NR5A2: variants seen among roughly 807,000 people sequenced by gnomAD.
The protein encoded by NR5A2 is CYP7A promoter-binding factor.
NR5A2 carries 26 observed loss-of-function variants against 62.7 expected under a neutral mutation model. The ratio of observed to expected loss-of-function variants is 0.41; its 90% CI spans 0.30 to 0.58. The LOEUF is 0.58. Ranked by LOEUF, NR5A2 falls within the 20% of genes least tolerant of loss-of-function variation. The probability of loss-of-function intolerance (pLI) is 0.22; values close to 1 mark genes in which losing one functional copy is unlikely to be tolerated. For synonymous variants in NR5A2, 246 were observed against 241.7 expected (o/e 1.02, Z -0.16); for missense variants, 541 against 669.1 (o/e 0.81, Z 2.11).
chr1:200,117,904 G>T (rs1666304993), intron 6 of NR5A2, among the ~76,000 whole-genome samples: 1 of 151,632 alleles, frequency 6.6e-6, no homozygotes, highest in Non-Finnish European at 1.5e-5. Flanking sequence ...AGTAGAGATG[G>T]GGTTTCACCA....
At chr1:200,030,301 T>C (rs1661503998) in intron 1 of NR5A2, among the ~76,000 whole-genome samples, 1 of 152,170 alleles carries the variant, frequency 6.6e-6, no homozygotes, top group Admixed American at 6.5e-5. Context: ...TAAAAAGCTG[T>C]CTCCATGGTT....
intron 7 of NR5A2, among the ~76,000 whole-genome samples, chr1:200,126,987 T>A (rs1666732068): frequency 6.6e-6 from 1 of 152,228 alleles, no homozygotes; most frequent in South Asian, 2.1e-4. Flanking sequence ...GTGGTGGTGA[T>A]GCTTTTCTTC....
At chr1:200,111,899 T>C (rs1014996441) in intron 6 of NR5A2, among the ~76,000 whole-genome samples, 6 of 152,204 alleles carry the variant, frequency 3.9e-5, no homozygotes, top group African/African-American at 1.4e-4. Flanking sequence ...CAAAAATTTA[T>C]TGAGCATCCT....
intron 7 of NR5A2, among the ~76,000 whole-genome samples, chr1:200,158,202 C>T (rs1488494276): frequency 1.3e-5 from 2 of 152,146 alleles, no homozygotes; most frequent in African/African-American, 4.8e-5. Context: ...CATGTTAACA[C>T]AGTGGGGCAC....
chr1:200,042,225 A>G (rs897585174), intron 2 of NR5A2, among the ~76,000 whole-genome samples: 3 of 151,288 alleles, frequency 2.0e-5, no homozygotes, highest in Non-Finnish European at 4.4e-5. Flanking sequence ...ATGTTCCCAA[A>G]CTCTGGCTAA....
intron 5 of NR5A2, among the ~76,000 whole-genome samples, chr1:200,097,731 C>A (rs1665165028): frequency 6.6e-6 from 1 of 152,100 alleles, no homozygotes. Flanking sequence ...TTCAACAGGG[C>A]AATGCTGACG....
intron 7 of NR5A2, among the ~76,000 whole-genome samples, chr1:200,152,815 G>A (rs1186765459): frequency 6.6e-6 from 1 of 152,052 alleles, no homozygotes; most frequent in Non-Finnish European, 1.5e-5. Flanking sequence ...ATTCAGCTAT[G>A]GTCACTACAT....
chr1:200,144,485 A>AC (rs1406861879), intron 7 of NR5A2, among the ~76,000 whole-genome samples: 1 of 151,890 alleles, frequency 6.6e-6, no homozygotes, highest in Non-Finnish European at 1.5e-5. Context: ...ATTCAAAACA[A>AC]CCCCCAGTCT....
chr1:200,149,204 A>G (rs72644155), intron 7 of NR5A2, among the ~76,000 whole-genome samples: 7,480 of 152,090 alleles, frequency 0.049, 427 homozygotes, highest in East Asian at 0.29. Flanking sequence ...GAGCCACCTC[A>G]CCCGGCCACA....
chr1:200,049,979 A>G (rs1453109611), intron 5 of NR5A2, among the ~76,000 whole-genome samples: 1 of 152,242 alleles, frequency 6.6e-6, no homozygotes, highest in African/African-American at 2.4e-5. Flanking sequence ...ACAGACCTAA[A>G]TAAGTTGATA....
At chr1:200,042,728 CCCGCGCT>C in intron 2 of NR5A2, 1 of 877,566 alleles carries the variant, frequency 1.1e-6, no homozygotes, top group Non-Finnish European at 1.4e-6. Flanking sequence ...CCACCCGCGC[CCCGCGCT>C]CCCATACTTG....
intron 7 of NR5A2, among the ~76,000 whole-genome samples, chr1:200,132,706 G>A (rs2102330862): frequency 1.3e-5 from 2 of 152,286 alleles, no homozygotes; most frequent in African/African-American, 4.8e-5. Context: ...AAGTAAGAAT[G>A]CCATGTGCTC....
chr1:200,042,969 T>A (rs1662187217), intron 2 of NR5A2: 1 of 985,318 alleles, frequency 1.0e-6, no homozygotes, highest in Non-Finnish European at 1.2e-6. Context: ...TCTCGAGGTG[T>A]TTATATTTTG....
chr1:200,076,343 G>A (rs1664036588), intron 5 of NR5A2, among the ~76,000 whole-genome samples: 1 of 152,144 alleles, frequency 6.6e-6, no homozygotes, highest in Non-Finnish European at 1.5e-5. Context: ...GTCGGAAACA[G>A]ATGTTCACGG....
At chr1:200,134,858 C>A (rs909089868) in intron 7 of NR5A2, among the ~76,000 whole-genome samples, 30 of 152,178 alleles carry the variant, frequency 2.0e-4, no homozygotes, top group Non-Finnish European at 2.2e-4. Context: ...TAAGTCCACA[C>A]ACATTGCAAC....
intron 5 of NR5A2, among the ~76,000 whole-genome samples, chr1:200,080,292 T>C (rs1323229267): frequency 6.6e-6 from 1 of 152,184 alleles, no homozygotes; most frequent in Non-Finnish European, 1.5e-5. Flanking sequence ...CTCAAAGTTG[T>C]ACTATAGAGT....
chr1:200,144,233 T>TCACACA lies in NR5A2; in HGVS notation c.1378+23311_1378+23316dup, dbSNP rs60365337. Among the ~76,000 whole-genome samples, 279 of 80,096 alleles carry TCACACA rather than the reference T, an allele frequency of 3.5e-3. 1 individual carries two copies. In the East Asian group the frequency reaches 0.043, roughly 12 times the overall value. The allele number at this position is 80,096 out of a possible 152,430, so 52.5% of individuals were successfully genotyped here. A position where few individuals can be genotyped will look rare whatever the true frequency, so the allele number is the denominator to read the frequency against. ...CACTGTTTCTCTCTCTCTCTCTCTCTCACACACACACACACACACACACAC... is the reference window on the plus strand; with the variant it reads ...CACTGTTTCTCTCTCTCTCTCTCTCTCACACACACACACACACACACACACACACAC... On this transcript the variant is annotated intron_variant, in intron 7 of 7. Transcript: ENST00000367362.
At chr1:200,092,519 T>C (rs1219460527) in intron 5 of NR5A2, among the ~76,000 whole-genome samples, 1 of 152,176 alleles carries the variant, frequency 6.6e-6, no homozygotes, top group Non-Finnish European at 1.5e-5. Context: ...TGATAGCTCA[T>C]TGGCGCTTCC....
rs1019347609 is a variant in NR5A2, at chr1:200,048,002, A to C, written c.464-170A>C. ...GACACACACTTGGAGGAAGGAATTC[A>C]TAAATAAAGAGGACATGGTTTTTTG... On this transcript the variant is annotated intron_variant, in intron 4 of 7. Transcript: ENST00000367362. This position sits in a 1 kb window ranked among gnomAD's most constrained non-coding sequence, Gnocchi z 4.8. 9.2e-5 allele frequency among the ~76,000 whole-genome samples: 14 copies of C among 152,236 alleles called. No homozygotes were observed. The highest frequency in any genetic ancestry group is 1.5e-4 in the Non-Finnish European group (10 of 68,044).
Sources: gnomAD v4.1 joint callset for allele counts (sites outside exome capture counted in the v4.1 genomes callset) on GRCh38, gnomAD v4.1.1 for gene constraint, Gnocchi (gnomAD v3.1) non-coding constraint, MANE v1.5 for transcripts, NCBI Gene and HGNC (gene_info 2026-07-23, HGNC 2026-07-21) for gene names.